CEP162: variants seen among roughly 807,000 people sequenced by gnomAD.
The protein encoded by CEP162 is centrosomal protein of 162 kDa.
CEP162 carries 141 observed loss-of-function variants against 169.2 expected under a neutral mutation model. That is an observed-to-expected ratio of 0.83 (90% CI 0.73 to 0.96). The LOEUF (loss-of-function observed/expected upper bound fraction) is 0.96. Ranked by LOEUF, CEP162 falls within the 40% of genes least tolerant of loss-of-function variation. The probability of loss-of-function intolerance (pLI) is 0.00; values close to 1 mark genes in which losing one functional copy is unlikely to be tolerated. For missense variants in CEP162, 1,600 were observed against 1,587.2 expected (o/e 1.01, Z -0.14); for synonymous variants, 540 against 526.4 (o/e 1.03, Z -0.35).
At position 84,161,889 on chromosome 6, in the gene CEP162, T is replaced by G; in HGVS notation, c.2533A>C (p.Lys845Gln). 1.9e-6 allele frequency: 3 copies of G among 1,544,928 alleles called. No homozygotes were observed. The highest frequency in any genetic ancestry group is 2.6e-6 in the Non-Finnish European group (3 of 1,133,794). The change falls in exon 20 of 27, where the codon AAA (lysine) becomes CAA (glutamine). Residue 845 changes from lysine (K) to glutamine (Q), a missense_variant. Physicochemically the swap from Lys to Gln is moderately conservative, Grantham distance 53. Coordinates refer to ENST00000403245, the MANE Select transcript of CEP162 (RefSeq NM_014895.4). ...TGTTTATGTGTTTCTTCTAAAATTT[T>G]TATTTCATATAATTTCTCACCTATA... ...YVTGEKLYEI[K>Q]ILEETHKQEI...
chr6:84,152,213 A>G lies in CEP162; in HGVS notation c.3629+332T>C, dbSNP rs182033813. Among the ~76,000 whole-genome samples, 147 of 152,332 alleles carry G rather than the reference A, an allele frequency of 9.6e-4. 2 individuals carry two copies. Among genetic ancestry groups the G allele is most frequent in the East Asian group, 9.6e-4 (5 of 5,182 alleles). ...TTTCTGAAAGCAATCTGTCTATAGC[A>G]ATAATAAACTATGACATTCCTTTGC... On this transcript the variant is annotated intron_variant, in intron 23 of 26. Coordinates refer to ENST00000403245, the MANE Select transcript of CEP162 (RefSeq NM_014895.4).
chr6:84,215,945 A>T (rs1249228200), intron 3 of CEP162, 23 bp from the exon 4 acceptor site: 2 of 1,498,068 alleles, frequency 1.3e-6, no homozygotes, highest in Non-Finnish European at 8.9e-7. Context: ...TTTAATACAG[A>T]TGAAGATTTA....
At chr6:84,129,857 T>C (rs1425583475) in intron 25 of CEP162, among the ~76,000 whole-genome samples, 1 of 152,198 alleles carries the variant, frequency 6.6e-6, no homozygotes, top group Non-Finnish European at 1.5e-5. Context: ...TATTTCTTTT[T>C]CTTGCCTGAT....
Position 84,215,362 on chromosome 6 carries a change from G to A in CEP162, c.423C>T (p.Gly141=), listed in dbSNP as rs374919899. Reference sequence around the variant, plus strand: ...TCGAATAATCAATGGAAGATGTCAAGCCTTTCTCAAGCCTGGCAAAAAATT... The same window carrying A: ...TCGAATAATCAATGGAAGATGTCAAACCTTTCTCAAGCCTGGCAAAAAATT... ...KEQFFARLEK[G]LTSSIDYSRL... is the part of the protein sequence containing the mutation. Residue 141 remains glycine (G), a synonymous_variant, in exon 5 of 27, where the codon GGC becomes GGT. Coordinates refer to ENST00000403245, the MANE Select transcript of CEP162 (RefSeq NM_014895.4). The A allele has an allele frequency of 2.2e-5, 36 of 1,605,806 alleles. No individual in the cohort carries two copies. Among genetic ancestry groups the A allele is most frequent in the Non-Finnish European group, 2.8e-5 (33 of 1,175,126 alleles).
rs181834478 is a variant in CEP162, at chr6:84,149,396, A to C, written c.3771+166T>G. On this transcript the variant is annotated intron_variant, in intron 24 of 26. Coordinates refer to ENST00000403245, the MANE Select transcript of CEP162 (RefSeq NM_014895.4). ...TCTTCTTTAAAAAAATTAAATATAT[A>C]GTATTATCTTCTTTAAAAAAGAAAT... Among the ~76,000 whole-genome samples, 88 of 152,162 alleles carry C rather than the reference A, an allele frequency of 5.8e-4. 1 individual carries two copies. The highest frequency in any genetic ancestry group is 2.0e-3 in the African/African-American group (82 of 41,568).
chr6:84,219,067 A>C, intron 3 of CEP162: 1 of 680,838 alleles, frequency 1.5e-6, no homozygotes, highest in Non-Finnish European at 2.1e-6. Context: ...CAAAATTATA[A>C]TGTAAAAGCC....
intron 21 of CEP162, among the ~76,000 whole-genome samples, chr6:84,157,403 G>A (rs1485520297): frequency 6.6e-6 from 1 of 152,172 alleles, no homozygotes; most frequent in Non-Finnish European, 1.5e-5. Context: ...TGGGTGCGAT[G>A]GCTCATGCCT....
chr6:84,185,023 T>C (rs1422644315), intron 13 of CEP162, among the ~76,000 whole-genome samples, 164 bp downstream of exon 13: 1 of 151,858 alleles, frequency 6.6e-6, no homozygotes, highest in Non-Finnish European at 1.5e-5. Context: ...CCTTCTAATA[T>C]GTCCTTATCT....
chr6:84,125,382 G>A lies in CEP162; in HGVS notation c.4006-106C>T, dbSNP rs1378590503. On this transcript the variant is annotated intron_variant, in intron 26 of 26. Coordinates refer to ENST00000403245, the MANE Select transcript of CEP162 (RefSeq NM_014895.4). Reference sequence around the variant, plus strand: ...ACCTGGGGTTTCTTTGGGGAACTCAGGTAAATCATAATGCTCTGCGTGGAT... The same window carrying A: ...ACCTGGGGTTTCTTTGGGGAACTCAAGTAAATCATAATGCTCTGCGTGGAT... The A allele has an allele frequency of 5.6e-6, 5 of 898,188 alleles. No individual in the cohort carries two copies. The African/African-American group carries it at 6.7e-5, about 12-fold the overall frequency. The allele number at this position is 898,188 out of a possible 1,614,324, so 55.6% of individuals were successfully genotyped here. A position where few individuals can be genotyped will look rare whatever the true frequency, so the allele number is the denominator to read the frequency against.
At chr6:84,160,989 T>C in intron 20 of CEP162, 73 bp from the exon 21 acceptor site, 1 of 1,009,222 alleles carries the variant, frequency 9.9e-7, no homozygotes, top group Non-Finnish European at 1.6e-6. Context: ...GAAAGCATAA[T>C]ATTAGTGCAC....
intron 25 of CEP162, 112 bp downstream of exon 25, chr6:84,146,575 T>C (rs2099518959): frequency 2.0e-6 from 1 of 508,792 alleles, no homozygotes; most frequent in African/African-American, 2.0e-5. Context: ...CTTGACGTGA[T>C]ACTTTCAGGT....
rs544000362 is a variant in CEP162 at position 84,147,986 on chromosome 6, C to T, written c.3772-1201G>A. Among the ~76,000 whole-genome samples, 49 of 152,146 alleles carry T rather than the reference C, an allele frequency of 3.2e-4. 2 individuals are homozygous for T. In the South Asian group the frequency reaches 8.9e-3, roughly 28 times the overall value. ...CAATTTTACAATATTACATTTATAA[C>T]GCTGGGAAAATAACATTTATGGCAC... On this transcript the variant is annotated intron_variant, in intron 24 of 26. Transcript: ENST00000403245.
Position 84,149,606 on chromosome 6 carries a change from A to T in CEP162, c.3727T>A (p.Ser1243Thr). 6.2e-7 allele frequency: 1 copy of T among 1,604,254 alleles called. No homozygotes were observed. The highest frequency in any genetic ancestry group is 8.5e-7 in the Non-Finnish European group (1 of 1,175,052). Residue 1243 changes from serine to threonine, a missense_variant, in exon 24 of 27, where the codon TCT (serine) becomes ACT (threonine). By Grantham distance (58) the Ser-to-Thr change is moderately conservative (BLOSUM62 1). Coordinates refer to ENST00000403245, the MANE Select transcript of CEP162 (RefSeq NM_014895.4). Reference sequence around the variant, plus strand: ...CGATTTAGTTCAGCTACTTTGGAAGAAGAATTTTCTACTGCATTTTGGCAA... The same window carrying T: ...CGATTTAGTTCAGCTACTTTGGAAGTAGAATTTTCTACTGCATTTTGGCAA... ...LLCQNAVENS[S>T]SKVAELNRKI...
intron 18 of CEP162, among the ~76,000 whole-genome samples, chr6:84,164,256 G>A (rs573377910): frequency 3.9e-5 from 6 of 152,130 alleles, no homozygotes; most frequent in Admixed American, 1.3e-4. Context: ...TGGTGGGAGC[G>A]TAAATTAGTT....
intron 6 of CEP162, among the ~76,000 whole-genome samples, chr6:84,206,156 A>G (rs2099546871): frequency 1.3e-5 from 2 of 149,398 alleles, no homozygotes; most frequent in South Asian, 4.1e-4. Context: ...AAGGTAATTT[A>G]CAGATACAGT....
intron 6 of CEP162, among the ~76,000 whole-genome samples, chr6:84,206,817 C>G (rs1420323185): frequency 3.3e-5 from 5 of 152,180 alleles, no homozygotes; most frequent in African/African-American, 9.7e-5. Context: ...TCACAACCTA[C>G]TCCTCTGACA....
At chr6:84,139,707 C>A (rs1307462159) in intron 25 of CEP162, among the ~76,000 whole-genome samples, 3 of 152,166 alleles carry the variant, frequency 2.0e-5, no homozygotes, top group Non-Finnish European at 4.4e-5. Flanking sequence ...TTTCCTGGTC[C>A]TTCTTTTCCA....
chr6:84,132,039 G>A (rs1191966940), intron 25 of CEP162, among the ~76,000 whole-genome samples: 1 of 152,158 alleles, frequency 6.6e-6, no homozygotes, highest in East Asian at 1.9e-4. Context: ...CATGCCTGGT[G>A]GTGACAAAAT....
At chr6:84,215,527 T>C (rs1045483738) in intron 4 of CEP162, 62 bp from the exon 5 acceptor site, 16 of 1,319,658 alleles carry the variant, frequency 1.2e-5, no homozygotes, top group Non-Finnish European at 1.4e-5. Context: ...TTGATTTGAA[T>C]GATGCATTTA....
Sources: allele counts gnomAD v4.1 joint callset (sites outside exome capture counted in the v4.1 genomes callset), GRCh38; gene constraint gnomAD v4.1.1; transcripts MANE v1.5; gene names NCBI Gene and HGNC (gene_info 2026-07-23, HGNC 2026-07-21).